The following DNAH11 variants were observed in gnomAD, a reference collection of about 807,000 sequenced individuals.
DNAH11 encodes axonemal beta dynein heavy chain 11.
Under a neutral mutation model 526.0 loss-of-function variants are expected in DNAH11, and 442 were observed. That is an observed-to-expected ratio of 0.84 (90% CI 0.78 to 0.91). The LOEUF is 0.91. Ranked by LOEUF, DNAH11 falls within the 40% of genes least tolerant of loss-of-function variation. DNAH11 has a pLI of 0.00. For synonymous variants in DNAH11, 2,461 were observed against 1,935.9 expected (o/e 1.27, Z -7.12); for missense variants, 6,989 against 5,448.7 (o/e 1.28, Z -8.90).
chr7:21,704,275 A>C (rs1784173405), intron 37 of DNAH11, among the ~76,000 whole-genome samples, 159 bp from the exon 38 acceptor site: 1 of 152,230 alleles, frequency 6.6e-6, no homozygotes, highest in African/African-American at 2.4e-5. Context: ...ATCAATTTTA[A>C]ACATTTAACC....
At chr7:21,800,818 G>A (rs535404333) in intron 61 of DNAH11, among the ~76,000 whole-genome samples, 4 of 152,084 alleles carry the variant, frequency 2.6e-5, no homozygotes, top group Admixed American at 6.6e-5. Context: ...AGAGCAGAGG[G>A]GGATGATAGT....
intron 25 of DNAH11, among the ~76,000 whole-genome samples, chr7:21,631,608 G>A (rs762930803): frequency 6.6e-6 from 1 of 152,170 alleles, no homozygotes; most frequent in Non-Finnish European, 1.5e-5. Flanking sequence ...ATCCAGCGGG[G>A]CAGTCAAATC....
chr7:21,893,853 C>T (rs1342365917), intron 77 of DNAH11, among the ~76,000 whole-genome samples: 22 of 152,178 alleles, frequency 1.4e-4, no homozygotes, highest in Non-Finnish European at 4.4e-5. Flanking sequence ...TTTGCTTACG[C>T]TTAAAAGGCT....
At chr7:21,677,507 GTGT>G (rs1385204997) in intron 30 of DNAH11, among the ~76,000 whole-genome samples, 1 of 151,978 alleles carries the variant, frequency 6.6e-6, no homozygotes, top group African/African-American at 2.4e-5. Context: ...TCAGCCTCCC[GTGT>G]AGCTGGGATT....
chr7:21,560,885 A>G (rs1019971711), intron 4 of DNAH11, among the ~76,000 whole-genome samples, 186 bp from the exon 5 acceptor site: 5 of 152,238 alleles, frequency 3.3e-5, no homozygotes, highest in African/African-American at 1.2e-4. Flanking sequence ...TGCAAAATAA[A>G]ATACAAGGCT....
At chr7:21,579,139 C>G (rs746779818) in intron 8 of DNAH11, among the ~76,000 whole-genome samples, 10 of 152,198 alleles carry the variant, frequency 6.6e-5, no homozygotes, top group Non-Finnish European at 7.3e-5. Context: ...CTTTTAGACA[C>G]TAAGTCAAAC....
In DNAH11 at chr7:21,816,507, T is replaced by A. The variant is rs1303316389; in HGVS notation, c.10373T>A (p.Met3458Lys). ...PLTEGLDLIS[M>K]LTDDATIAAW... ...ACCGAAGGCCTGGACTTGATATCCA[T>A]GTTGACGGATGATGCTACAATTGCC... is the stretch of plus-strand genomic sequence containing the variant. Residue 3458 changes from methionine to lysine, a missense_variant, in exon 64 of 82, where the codon ATG becomes AAG. By Grantham distance (95) the Met-to-Lys change is moderately conservative. Coordinates refer to ENST00000409508, the MANE Select transcript of DNAH11 (RefSeq NM_001277115.2). 3 of 1,611,556 alleles carry A rather than the reference T, an allele frequency of 1.9e-6. No homozygotes were observed. The highest frequency in any genetic ancestry group is 3.4e-5 in the Admixed American group (2 of 59,598).
At chr7:21,738,363 G>C (rs1427222841) in intron 46 of DNAH11, among the ~76,000 whole-genome samples, 2 of 152,212 alleles carry the variant, frequency 1.3e-5, no homozygotes, top group African/African-American at 4.8e-5. Flanking sequence ...AGCTGGACTA[G>C]CAGTGGCCAC....
intron 56 of DNAH11, among the ~76,000 whole-genome samples, chr7:21,776,356 A>C (rs1214746485): frequency 6.6e-6 from 1 of 152,242 alleles, no homozygotes; most frequent in African/African-American, 2.4e-5. Context: ...TGGCAGTTTT[A>C]GAAATAAGTG....
chr7:21,581,221 C>T (rs73070418), intron 8 of DNAH11, among the ~76,000 whole-genome samples: 3,402 of 152,292 alleles, frequency 0.022, 62 homozygotes, highest in Middle Eastern at 0.051. Flanking sequence ...CCTGGGACTT[C>T]TTTACTGGAG....
intron 81 of DNAH11, 48 bp downstream of exon 81, chr7:21,900,168 C>T: frequency 1.3e-6 from 2 of 1,566,854 alleles, no homozygotes. Context: ...TACTCAGGTT[C>T]AGATCAGTGT....
Position 21,588,072 on chromosome 7 carries a change from C to G in DNAH11, c.1719C>G (p.Thr573=). Residue 573 remains threonine (T), a synonymous_variant, in exon 10 of 82, where the codon ACC becomes ACG. Coordinates refer to ENST00000409508, the MANE Select transcript of DNAH11 (RefSeq NM_001277115.2). ...CACTTTGATTTTTATAGCTTTTGAC[C>G]ATATTTGGAAATTTTCTAGAGAAGC... is the stretch of plus-strand genomic sequence containing the variant. ...NGLEAAFKLL[T]IFGNFLEKPV... 1 of 1,612,668 alleles carries G rather than the reference C, an allele frequency of 6.2e-7. No homozygotes were observed. The highest frequency in any genetic ancestry group is 8.5e-7 in the Non-Finnish European group (1 of 1,179,446).
intron 49 of DNAH11, among the ~76,000 whole-genome samples, chr7:21,743,447 G>A (rs375142769): frequency 2.0e-5 from 3 of 152,256 alleles, no homozygotes; most frequent in Non-Finnish European, 2.9e-5. Flanking sequence ...TTTTAAATCC[G>A]ACTAATGTGG....
chr7:21,826,098 G>T lies in DNAH11; in HGVS notation c.10691+7759G>T, dbSNP rs533010013. 1.8e-4 allele frequency among the ~76,000 whole-genome samples: 28 copies of T among 152,240 alleles called. 2 individuals carry two copies. The highest frequency in any genetic ancestry group is 1.7e-3 in the South Asian group (8 of 4,828). On this transcript the variant is annotated intron_variant, in intron 65 of 81. Transcript: ENST00000409508. ...TTTTTGGGTGATGGTTACATTGAAA[G>T]CACAGACTTCACCACCACACAATAT...
At chr7:21,682,023 A>G (rs201042094) in intron 31 of DNAH11, among the ~76,000 whole-genome samples, 1 of 152,174 alleles carries the variant, frequency 6.6e-6, no homozygotes, top group Admixed American at 6.5e-5. Context: ...TGTGACTTAC[A>G]CAGCCAATAG....
At chr7:21,893,288 C>G (rs1784392870) in intron 77 of DNAH11, among the ~76,000 whole-genome samples, 1 of 152,228 alleles carries the variant, frequency 6.6e-6, no homozygotes, top group Non-Finnish European at 1.5e-5. Context: ...GTACCAGTTA[C>G]TTTCCCACCA....
In DNAH11 at chr7:21,744,928, G is replaced by A. The variant is rs1219128600; in HGVS notation, c.8375G>A (p.Arg2792Lys). ...QPLIYCHFADRGKDPHYMPVK... is the reference protein window; with the variant it reads ...QPLIYCHFADKGKDPHYMPVK... ...CTCATTTATTGCCACTTTGCTGATAGAGGGAAGGACCCACATTACATGCCA... is the reference window on the plus strand; with the variant it reads ...CTCATTTATTGCCACTTTGCTGATAAAGGGAAGGACCCACATTACATGCCA... Residue 2792 changes from arginine to lysine, a missense_variant, in exon 51 of 82, where the codon AGA becomes AAA. Transcript: ENST00000409508. The A allele has an allele frequency of 6.2e-7, 1 of 1,611,118 alleles. No individual in the cohort carries two copies.
At position 21,773,969 on chromosome 7, in the gene DNAH11, C is replaced by T. The variant is rs369831641; in HGVS notation, c.9306C>T (p.Gly3102=). 2.5e-5 allele frequency: 39 copies of T among 1,573,084 alleles called. No individual in the cohort carries two copies. The highest frequency in any genetic ancestry group is 3.1e-5 in the Non-Finnish European group (36 of 1,160,030). The change falls in exon 56 of 82, where the codon GGC becomes GGT. Residue 3102 remains glycine (G), a synonymous_variant. Transcript: ENST00000409508. ...VSEKKERLVN[G]IQKLKTTASQ... is the part of the protein sequence containing the mutation. ...AGAAAAAAGAACGCCTGGTGAACGG[C>T]ATCCAAAAGCTAAAAACCACAGCCT...
chr7:21,547,158 C>T (rs960513925), intron 2 of DNAH11, among the ~76,000 whole-genome samples: 4 of 152,022 alleles, frequency 2.6e-5, no homozygotes, highest in African/African-American at 9.7e-5. Context: ...AAGTACATCC[C>T]AGGTCTATTT....
Sources: gnomAD v4.1 joint callset for allele counts (sites outside exome capture counted in the v4.1 genomes callset) on GRCh38, gnomAD v4.1.1 for gene constraint, MANE v1.5 for transcripts, NCBI Gene and HGNC (gene_info 2026-07-23, HGNC 2026-07-21) for gene names.